FAM210A: variants seen among roughly 807,000 people sequenced by gnomAD.
FAM210A encodes the protein family with sequence similarity 210 member A.
Under a neutral mutation model 25.3 loss-of-function variants are expected in FAM210A, and 13 were observed. The observed-to-expected ratio is 0.51, with a 90% CI of 0.33 to 0.82. The LOEUF (loss-of-function observed/expected upper bound fraction) is 0.82. Among genes scored for constraint, FAM210A ranks in the 40% least tolerant of loss-of-function variants. The pLI is 0.02. For missense variants in FAM210A, 319 were observed against 323.2 expected, an observed-to-expected ratio of 0.99 and a Z score of 0.10; for synonymous variants, 125 against 118.7, an observed-to-expected ratio of 1.05 and a Z score of -0.35.
intron 3 of FAM210A, among the ~76,000 whole-genome samples, chr18:13,667,888 A>AAGAAGAAAAAG (rs1488685329): frequency 3.3e-5 from 5 of 152,172 alleles, no homozygotes; most frequent in Admixed American, 6.5e-5. Flanking sequence ...AAGAAAAAGA[A>AAGAAGAAAAAG]AGAAGAAAAA....
At position 13,706,747 on chromosome 18, in the gene FAM210A, TA is replaced by T. The variant is rs576686711; in HGVS notation, c.-29+19581del. ...TTAAATTCTCTTGTGAAGGTTATGC[TA>T]AAAAACAGAATTGGCTAAACAGAAA... On this transcript the variant is annotated intron_variant, in intron 1 of 3. Coordinates refer to ENST00000651643, the MANE Select transcript of FAM210A (RefSeq NM_152352.4). Among the ~76,000 whole-genome samples the T allele has an allele frequency of 4.6e-4, 70 of 152,334 alleles. 3 individuals are homozygous for T. The East Asian group carries it at 0.012, about 26-fold the overall frequency.
At chr18:13,704,820 G>A (rs1052080063) in intron 1 of FAM210A, among the ~76,000 whole-genome samples, 3 of 152,026 alleles carry the variant, frequency 2.0e-5, no homozygotes, top group African/African-American at 4.8e-5. Flanking sequence ...TTATTATGTT[G>A]TTATAGACCA....
At chr18:13,712,900 T>A (rs2043832771) in intron 1 of FAM210A, among the ~76,000 whole-genome samples, 1 of 152,208 alleles carries the variant, frequency 6.6e-6, no homozygotes, top group Non-Finnish European at 1.5e-5. Flanking sequence ...CTGATAGCAG[T>A]GTGCTAACCT....
chr18:13,680,837 A>C (rs1787870), intron 2 of FAM210A, among the ~76,000 whole-genome samples: 139,939 of 151,964 alleles, frequency 0.92, 64,483 homozygotes, highest in East Asian at 0.97. Context: ...GGTCCTCCTA[A>C]GCCTAAAGCA....
At chr18:13,718,710 A>T (rs2043878664) in intron 1 of FAM210A, among the ~76,000 whole-genome samples, 2 of 152,216 alleles carry the variant, frequency 1.3e-5, no homozygotes, top group African/African-American at 4.8e-5. Context: ...CTAGTTAACT[A>T]AAACATGCTT....
intron 1 of FAM210A, chr18:13,697,790 C>T (rs1221119436): frequency 6.6e-6 from 1 of 151,778 alleles, no homozygotes; most frequent in African/African-American, 2.4e-5. Context: ...CAGCTTTATT[C>T]ATAATTGCCA....
At chr18:13,682,932 A>G (rs916763753) in intron 1 of FAM210A, among the ~76,000 whole-genome samples, 1 of 152,202 alleles carries the variant, frequency 6.6e-6, no homozygotes, top group African/African-American at 2.4e-5. Context: ...ATGGTAAACT[A>G]GTCCAGCTGA....
chr18:13,703,180 G>A (rs1163224473), intron 1 of FAM210A, among the ~76,000 whole-genome samples: 1 of 152,150 alleles, frequency 6.6e-6, no homozygotes, highest in Non-Finnish European at 1.5e-5. Flanking sequence ...ACTTTTGGGG[G>A]TATCAGCAAT....
chr18:13,718,997 A>C (rs1470741765), intron 1 of FAM210A, among the ~76,000 whole-genome samples: 1 of 152,222 alleles, frequency 6.6e-6, no homozygotes, highest in Non-Finnish European at 1.5e-5. Flanking sequence ...CAATTTTAAA[A>C]TATCTTTTTA....
At chr18:13,721,952 T>C (rs2043900821) in intron 1 of FAM210A, among the ~76,000 whole-genome samples, 1 of 152,042 alleles carries the variant, frequency 6.6e-6, no homozygotes, top group Non-Finnish European at 1.5e-5. Context: ...CGGTATAAAT[T>C]CTTAGCAGCG....
intron 3 of FAM210A, 87 bp downstream of exon 3, chr18:13,671,775 T>A: frequency 1.3e-6 from 1 of 757,786 alleles, no homozygotes; most frequent in South Asian, 1.7e-5. Flanking sequence ...CGAAATACAA[T>A]TGGAAGCTAA....
At chr18:13,688,673 A>G (rs1301618889) in intron 1 of FAM210A, among the ~76,000 whole-genome samples, 2 of 152,218 alleles carry the variant, frequency 1.3e-5, no homozygotes, top group African/African-American at 4.8e-5. Context: ...ACTGGCGGAG[A>G]GCAGCCACCC....
chr18:13,706,435 A>G (rs554212704), intron 1 of FAM210A, among the ~76,000 whole-genome samples: 111 of 152,194 alleles, frequency 7.3e-4, no homozygotes, highest in Non-Finnish European at 1.4e-3. Flanking sequence ...TATATGGATA[A>G]CCTTATACCT....
At chr18:13,687,183 C>A (rs1446384442) in intron 1 of FAM210A, among the ~76,000 whole-genome samples, 3 of 152,152 alleles carry the variant, frequency 2.0e-5, no homozygotes, top group Non-Finnish European at 2.9e-5. Context: ...ACTGAATGGA[C>A]CTCTCTTGGC....
At chr18:13,677,278 G>A (rs1218753839) in intron 2 of FAM210A, among the ~76,000 whole-genome samples, 1 of 152,148 alleles carries the variant, frequency 6.6e-6, no homozygotes, top group Admixed American at 6.5e-5. Context: ...GTTTCACCAT[G>A]TTAGCCAGGA....
chr18:13,676,582 C>T (rs558922175), intron 2 of FAM210A, among the ~76,000 whole-genome samples: 21 of 152,228 alleles, frequency 1.4e-4, no homozygotes, highest in South Asian at 4.1e-4. Flanking sequence ...TAAATCAGAA[C>T]GAAGACATTC....
chr18:13,675,072 C>T (rs1156537700), intron 2 of FAM210A, among the ~76,000 whole-genome samples: 8 of 10,368 alleles, frequency 7.7e-4, no homozygotes, highest in African/African-American at 2.3e-3. Flanking sequence ...TCCTGAGCCC[C>T]AACTTCATTA....
intron 2 of FAM210A, among the ~76,000 whole-genome samples, chr18:13,676,810 CTGAT>C (rs1206009387): frequency 1.3e-5 from 2 of 152,134 alleles, no homozygotes; most frequent in Non-Finnish European, 2.9e-5. Context: ...TTGGGTTTGT[CTGAT>C]TGTTTCCTCA....
intron 1 of FAM210A, among the ~76,000 whole-genome samples, chr18:13,697,973 G>C (rs1480484285): frequency 6.6e-6 from 1 of 152,120 alleles, no homozygotes; most frequent in East Asian, 1.9e-4. Flanking sequence ...AGGTTATTCT[G>C]GGAAAACACA....
Sources: gnomAD v4.1 joint callset for allele counts (sites outside exome capture counted in the v4.1 genomes callset) on GRCh38, gnomAD v4.1.1 for gene constraint, MANE v1.5 for transcripts, NCBI Gene and HGNC (gene_info 2026-07-23, HGNC 2026-07-21) for gene names.